APLF: variants seen among roughly 807,000 people sequenced by gnomAD.
The protein encoded by APLF is aprataxin and PNK-like factor.
APLF carries 61 observed loss-of-function variants against 55.6 expected under a neutral mutation model. That is an observed-to-expected ratio of 1.10 (90% CI 0.89 to 1.36). The LOEUF (loss-of-function observed/expected upper bound fraction) is 1.36. Among genes scored for constraint, APLF ranks in the 40% most tolerant of loss-of-function variants. APLF has a pLI of 0.00. For synonymous variants in APLF, 207 were observed against 214.8 expected (o/e 0.96, Z 0.32); for missense variants, 611 against 602.5 (o/e 1.01, Z -0.15).
chr2:68,526,389 T>C, intron 6 of APLF, 147 bp downstream of exon 6: 1 of 1,447,878 alleles, frequency 6.9e-7, no homozygotes, highest in South Asian at 1.2e-5. Context: ...TCAGACTTAC[T>C]GAAACTAATC....
chr2:68,512,146 G>A (rs1335278506), intron 3 of APLF, among the ~76,000 whole-genome samples: 2 of 151,608 alleles, frequency 1.3e-5, no homozygotes, highest in Admixed American at 6.6e-5. Flanking sequence ...TACTACTAGA[G>A]TGAGATATAG....
chr2:68,525,554 G>A (rs1328682964), intron 5 of APLF, among the ~76,000 whole-genome samples: 1 of 152,034 alleles, frequency 6.6e-6, no homozygotes, highest in African/African-American at 2.4e-5. Context: ...TCAGAAAGGT[G>A]CGATGAAATA....
At chr2:68,523,523 A>G (rs1558541606) in intron 5 of APLF, among the ~76,000 whole-genome samples, 2 of 152,026 alleles carry the variant, frequency 1.3e-5, no homozygotes, top group Admixed American at 6.6e-5. Context: ...TTGCTTAAAC[A>G]TAGGAAAAAT....
Position 68,538,095 on chromosome 2 carries a change from C to G in APLF, c.1028C>G (p.Ser343Cys), listed in dbSNP as rs762870702. The stretch of plus-strand genomic sequence containing the variant: ...TCACTTCAGGATGAGTCTCAAGGGT[C>G]TCATTCTGAGTCCAGCTCTAATCCC... ...GDSLQDESQGSHSESSSNPSN... is the reference protein window; with the variant it reads ...GDSLQDESQGCHSESSSNPSN... The change falls in exon 7 of 10, where the codon TCT becomes TGT. Residue 343 changes from serine to cysteine, a missense_variant. Physicochemically the swap from Ser to Cys is moderately radical, Grantham distance 112 (BLOSUM62 -1). Transcript: ENST00000303795. The G allele has an allele frequency of 6.2e-7, 1 of 1,614,116 alleles. No homozygotes were observed. Among genetic ancestry groups the G allele is most frequent in the Non-Finnish European group, 8.5e-7 (1 of 1,180,010 alleles).
chr2:68,487,579 A>G (rs1294500001), intron 1 of APLF, among the ~76,000 whole-genome samples: 1 of 152,134 alleles, frequency 6.6e-6, no homozygotes, highest in Non-Finnish European at 1.5e-5. Context: ...GATTGTTATT[A>G]CAGTTGATGT....
rs369251184 is a variant in APLF, at chr2:68,506,526, A to G, written c.341+3623A>G. 2.6e-4 allele frequency among the ~76,000 whole-genome samples: 40 copies of G among 152,160 alleles called. 1 individual carries two copies. Among genetic ancestry groups the G allele is most frequent in the African/African-American group, 9.4e-4 (39 of 41,562 alleles). ...CTGCTTACTGTTGTACAAGCTTTAC[A>G]TGTATGAACTTTTTATTCTCCATAA... is the stretch of plus-strand genomic sequence containing the variant. On this transcript the variant is annotated intron_variant, in intron 3 of 9. Coordinates refer to ENST00000303795, the MANE Select transcript of APLF (RefSeq NM_173545.3).
At chr2:68,496,394 C>T (rs1288340512) in intron 2 of APLF, among the ~76,000 whole-genome samples, 8 of 152,266 alleles carry the variant, frequency 5.3e-5, no homozygotes, top group Admixed American at 1.3e-4. Context: ...TGTGAGCCAC[C>T]GTGCCCAGCC....
intron 6 of APLF, among the ~76,000 whole-genome samples, chr2:68,532,313 C>T (rs1341521586): frequency 6.6e-6 from 1 of 152,208 alleles, no homozygotes; most frequent in Non-Finnish European, 1.5e-5. Context: ...GAAAGAATTA[C>T]ATTCTCTTAG....
At chr2:68,563,402 T>G in intron 8 of APLF, 2 of 968,262 alleles carry the variant, frequency 2.1e-6, no homozygotes, top group Non-Finnish European at 2.5e-6. Context: ...TTTTCCTAAG[T>G]AGGATGTGAG....
intron 5 of APLF, among the ~76,000 whole-genome samples, chr2:68,522,678 G>T (rs1235076408): frequency 6.6e-6 from 1 of 151,802 alleles, no homozygotes; most frequent in Non-Finnish European, 1.5e-5. Flanking sequence ...GGAAAAAAAA[G>T]AAGAATGAAA....
chr2:68,485,225 A>T (rs1361474432), intron 1 of APLF, among the ~76,000 whole-genome samples: 1 of 151,908 alleles, frequency 6.6e-6, no homozygotes, highest in Non-Finnish European at 1.5e-5. Context: ...ATCCAGTTAA[A>T]TTTTTTTTAA....
At position 68,519,018 on chromosome 2, in the gene APLF, ATAT is replaced by A. The variant is rs1316641359; in HGVS notation, c.622+5339_622+5341del. ...GATAATATATTATTAATATATAATA[ATAT>A]ATAATATATGATTAATATATAATAA... is the stretch of plus-strand genomic sequence containing the variant. On this transcript the variant is annotated intron_variant, in intron 5 of 9. Coordinates refer to ENST00000303795, the MANE Select transcript of APLF (RefSeq NM_173545.3). Among the ~76,000 whole-genome samples the A allele has an allele frequency of 8.1e-5, 9 of 111,756 alleles. No individual in the cohort carries two copies. In the East Asian group the frequency reaches 1.9e-3, roughly 24 times the overall value. 73.3% of individuals were successfully genotyped at this position (111,756 alleles called of 152,430 possible).
intron 8 of APLF, among the ~76,000 whole-genome samples, chr2:68,550,696 C>T (rs996292651): frequency 6.6e-6 from 1 of 151,688 alleles, no homozygotes; most frequent in Non-Finnish European, 1.5e-5. Context: ...TTTTCAATAG[C>T]CACACTTTAT....
chr2:68,542,205 G>A (rs1670571644), intron 7 of APLF, among the ~76,000 whole-genome samples: 1 of 152,104 alleles, frequency 6.6e-6, no homozygotes, highest in Non-Finnish European at 1.5e-5. Flanking sequence ...AAGACTCTTA[G>A]AAGAAAATGG....
chr2:68,476,818 A>C (rs1292716527), intron 1 of APLF, among the ~76,000 whole-genome samples: 1 of 152,162 alleles, frequency 6.6e-6, no homozygotes, highest in African/African-American at 2.4e-5. Context: ...CATCCTGGAA[A>C]TAGAAGTGAT....
intron 8 of APLF, among the ~76,000 whole-genome samples, chr2:68,558,336 G>A (rs1264872773): frequency 6.6e-6 from 1 of 152,086 alleles, no homozygotes; most frequent in East Asian, 1.9e-4. Context: ...AGGTAACAAA[G>A]TGAGTACTTT....
intron 7 of APLF, among the ~76,000 whole-genome samples, chr2:68,543,981 C>CTTTTTTTT: frequency 1.6e-5 from 2 of 128,962 alleles, no homozygotes; most frequent in Non-Finnish European, 3.3e-5. Context: ...ATTGTATTTT[C>CTTTTTTTT]TTTTTTTTTT....
At chr2:68,479,735 A>G (rs1224112730) in intron 1 of APLF, among the ~76,000 whole-genome samples, 2 of 152,164 alleles carry the variant, frequency 1.3e-5, no homozygotes, top group African/African-American at 4.8e-5. Context: ...GAAAGCAAAA[A>G]AGTTAGGCAA....
rs554359099 is a variant in APLF, at chr2:68,501,958, C to T, written c.169-773C>T. 7.2e-5 allele frequency among the ~76,000 whole-genome samples: 11 copies of T among 151,984 alleles called. No homozygotes were observed. In the South Asian group the frequency reaches 1.7e-3, roughly 23 times the overall value. ...GCTGGGAAGTCTAAAATGCTGGGGC[C>T]GCATCTGGTGAGAGCTTTTTTGCTG... is the stretch of plus-strand genomic sequence containing the variant. On this transcript the variant is annotated intron_variant, in intron 2 of 9. Coordinates refer to ENST00000303795, the MANE Select transcript of APLF (RefSeq NM_173545.3).
Sources: allele counts gnomAD v4.1 joint callset (sites outside exome capture counted in the v4.1 genomes callset), GRCh38; gene constraint gnomAD v4.1.1; transcripts MANE v1.5; gene names NCBI Gene and HGNC (gene_info 2026-07-23, HGNC 2026-07-21).